EIF4G3: variants seen among roughly 807,000 people sequenced by gnomAD.
The protein encoded by EIF4G3 is eukaryotic translation initiation factor 4 gamma 3, also known as eIF-4-gamma 3.
In EIF4G3, 34 loss-of-function variants were observed where a neutral mutation model predicts 186.4. The observed-to-expected ratio is 0.18, with a 90% confidence interval of 0.14 to 0.24. The LOEUF is 0.24. Ranked by LOEUF, EIF4G3 falls within the 10% of genes least tolerant of loss-of-function variation. The pLI, the probability that EIF4G3 is intolerant of heterozygous loss-of-function variation, is 1.00. For synonymous variants in EIF4G3, 673 were observed against 679.5 expected (o/e 0.99, Z 0.15); for missense variants, 1,536 against 1,948.5 (o/e 0.79, Z 3.99).
chr1:20,813,262 C>T, intron 34 of EIF4G3, 23 bp from the exon 35 acceptor site: 1 of 1,581,126 alleles, frequency 6.3e-7, no homozygotes, highest in South Asian at 1.1e-5. Flanking sequence ...AGAAATAAAA[C>T]AATTAAAGAT....
chr1:21,162,557 C>T (rs1378395451), intron 2 of EIF4G3, among the ~76,000 whole-genome samples: 2 of 151,788 alleles, frequency 1.3e-5, no homozygotes, highest in Non-Finnish European at 2.9e-5. Flanking sequence ...GCCTGGCCAA[C>T]ATGCCGAAAC....
Position 20,829,265 on chromosome 1 carries a change from C to G in EIF4G3, c.4069G>C (p.Glu1357Gln). 2 of 1,612,630 alleles carry G rather than the reference C, an allele frequency of 1.2e-6. No homozygotes were observed. Among genetic ancestry groups the G allele is most frequent in the Non-Finnish European group, 1.7e-6 (2 of 1,179,588 alleles). Residue 1357 changes from glutamate (E) to glutamine (Q), a missense_variant, in exon 31 of 37, where the codon GAA becomes CAA. Physicochemically the swap from Glu to Gln is conservative, Grantham distance 29. This residue lies in a region of EIF4G3 where 395 missense variants were observed against 498.9 expected (regional missense o/e 0.79). Transcript: ENST00000602326. The stretch of plus-strand genomic sequence containing the variant: ...ATGTCATCTGCCAATTCCAAAGTTT[C>G]TGAAAAACTGAAAAGGAACAGGGGG... ...SKQDFFKGFS[E>Q]TLELADDMAI...
intron 3 of EIF4G3, among the ~76,000 whole-genome samples, chr1:21,062,711 T>C (rs2094987164): frequency 6.6e-6 from 1 of 152,210 alleles, no homozygotes; most frequent in Non-Finnish European, 1.5e-5. Context: ...TGCCTCAGCC[T>C]CCCAAGTAGC....
Position 20,857,454 on chromosome 1 carries a change from C to A in EIF4G3, c.3288G>T (p.Gly1096=), listed in dbSNP as rs747493810. 6.2e-7 allele frequency: 1 copy of A among 1,613,996 alleles called. No individual in the cohort carries two copies. Among genetic ancestry groups the A allele is most frequent in the South Asian group, 1.1e-5 (1 of 91,080 alleles). Residue 1096 remains glycine, a synonymous_variant, in exon 25 of 37, where the codon GGG becomes GGT. Transcript: ENST00000602326. ...VDEGGWNTVQ[G]AKNSRVLDPS... ...GGTCCAGTACCCGACTGTTCTTGGC[C>A]CCTTGTACAGTGTTCCACCCACCTT...
chr1:20,849,545 C>A lies in EIF4G3; in HGVS notation c.3773-15G>T. The A allele has an allele frequency of 2.2e-6, 3 of 1,359,620 alleles. No individual in the cohort carries two copies. The highest frequency in any genetic ancestry group is 3.0e-5 in the South Asian group (2 of 67,576). 84.2% of individuals were successfully genotyped at this position (1,359,620 alleles called of 1,614,324 possible). Reference sequence around the variant, plus strand: ...TTCTGGTTTTGCTATTAGTGAGGCCCCCCAAAAAAAGTAAAAATAATAAAA... The same window carrying A: ...TTCTGGTTTTGCTATTAGTGAGGCCACCCAAAAAAAGTAAAAATAATAAAA... On this transcript the variant is annotated splice_polypyrimidine_tract_variant and intron_variant, in intron 28 of 36. Coordinates refer to ENST00000602326, the MANE Select transcript of EIF4G3 (RefSeq NM_001391906.1).
chr1:20,932,881 A>G (rs201331269), intron 14 of EIF4G3, among the ~76,000 whole-genome samples: 1 of 152,134 alleles, frequency 6.6e-6, no homozygotes, highest in East Asian at 1.9e-4. Flanking sequence ...CTCAACACAG[A>G]GTTACCACAA....
At position 21,067,836 on chromosome 1, in the gene EIF4G3, T is replaced by C. The variant is rs575916886; in HGVS notation, c.-195-16842A>G. The stretch of plus-strand genomic sequence containing the variant: ...TATTGAACTCTCTTAAAACTGCAGT[T>C]AAAAAATAAAAAAAGAGGCCAGGCA... On this transcript the variant is annotated intron_variant, in intron 3 of 36. Transcript: ENST00000602326. Among the ~76,000 whole-genome samples, 26 of 151,358 alleles carry C rather than the reference T, an allele frequency of 1.7e-4. No homozygotes were observed. In the South Asian group the frequency reaches 5.2e-3, roughly 30 times the overall value.
intron 7 of EIF4G3, among the ~76,000 whole-genome samples, chr1:20,983,286 C>G (rs933718926): frequency 1.3e-5 from 2 of 152,034 alleles, no homozygotes; most frequent in Non-Finnish European, 2.9e-5. Flanking sequence ...GGGCAGGCCA[C>G]AGAGAGTAGG....
At chr1:21,088,525 T>C (rs532336969) in intron 3 of EIF4G3, among the ~76,000 whole-genome samples, 135 of 151,912 alleles carry the variant, frequency 8.9e-4, no homozygotes, top group African/African-American at 2.9e-3. Context: ...GTTTAGAAAA[T>C]GTAAAACTGA....
rs564333823 is a variant in EIF4G3, at chr1:20,906,817, C to A, written c.1664-1846G>T. On this transcript the variant is annotated intron_variant, in intron 14 of 36. Coordinates refer to ENST00000602326, the MANE Select transcript of EIF4G3 (RefSeq NM_001391906.1). The stretch of plus-strand genomic sequence containing the variant: ...GTCCTTAAAAAAAACTGGATACACA[C>A]ACACACACACACACAAACACACACA... Among the ~76,000 whole-genome samples, 84 of 151,638 alleles carry A rather than the reference C, an allele frequency of 5.5e-4. 1 individual carries two copies. The highest frequency in any genetic ancestry group is 2.0e-3 in the African/African-American group (84 of 41,356).
intron 2 of EIF4G3, among the ~76,000 whole-genome samples, chr1:21,157,421 G>C (rs1158930388): frequency 6.6e-6 from 1 of 151,748 alleles, no homozygotes; most frequent in Non-Finnish European, 1.5e-5. Context: ...ACCCAGGCTG[G>C]AGTGCAGTGG....
Position 21,176,316 on chromosome 1 carries a change from G to T in EIF4G3, c.-413C>A. On this transcript the variant is annotated 5_prime_UTR_variant, in exon 2 of 37. Coordinates refer to ENST00000602326, the MANE Select transcript of EIF4G3 (RefSeq NM_001391906.1). The stretch of plus-strand genomic sequence containing the variant: ...CGGTACCGCTGCTGCCGCCGCCGCC[G>T]CCGCTCCGGTGCCGGGTCCGGTTCC... The T allele has an allele frequency of 3.7e-6, 1 of 267,270 alleles. No individual in the cohort carries two copies. The highest frequency in any genetic ancestry group is 6.8e-6 in the Non-Finnish European group (1 of 147,648). The allele number at this position is 267,270 out of a possible 1,614,324, so 16.6% of individuals were successfully genotyped here.
intron 2 of EIF4G3, among the ~76,000 whole-genome samples, chr1:21,140,835 A>T (rs1410759818): frequency 1.3e-5 from 2 of 152,210 alleles, no homozygotes; most frequent in African/African-American, 4.8e-5. Flanking sequence ...TTCTTCACTG[A>T]AGGAACTAAG....
Position 20,855,767 on chromosome 1 carries a change from C to T in EIF4G3, c.3340-696G>A, listed in dbSNP as rs190528040. Among the ~76,000 whole-genome samples, 291 of 152,282 alleles carry T rather than the reference C, an allele frequency of 1.9e-3. 1 individual carries two copies. The highest frequency in any genetic ancestry group is 6.4e-3 in the African/African-American group (268 of 41,572). On this transcript the variant is annotated intron_variant, in intron 25 of 36. Coordinates refer to ENST00000602326, the MANE Select transcript of EIF4G3 (RefSeq NM_001391906.1). Reference sequence around the variant, plus strand: ...ATATGTTGCTATGCTATGTAATATGCTTTCACACAAACCACTCCCAATTAA... The same window carrying T: ...ATATGTTGCTATGCTATGTAATATGTTTTCACACAAACCACTCCCAATTAA...
chr1:20,997,589 AGGGTACAGTACCTGATGAT>A lies in EIF4G3; in HGVS notation c.170_177+11del. On this transcript the variant is annotated splice_donor_variant and splice_donor_5th_base_variant and coding_sequence_variant and intron_variant, in exon 7 of 37. Transcript: ENST00000602326. LOFTEE classifies it high-confidence loss of function. ...AGTTAAGGGTGATAGTGAAGGGGCAAGGGTACAGTACCTGATGATGGGGAGGTCGAGGCCCCGCTGCAAA... is the reference window on the plus strand; with the variant it reads ...AGTTAAGGGTGATAGTGAAGGGGCAAGGGGAGGTCGAGGCCCCGCTGCAAA... 6.5e-7 allele frequency: 1 copy of A among 1,550,298 alleles called. No homozygotes were observed. The highest frequency in any genetic ancestry group is 8.7e-7 in the Non-Finnish European group (1 of 1,146,716).
chr1:21,144,089 C>T (rs1317889267), intron 2 of EIF4G3, among the ~76,000 whole-genome samples: 1 of 151,934 alleles, frequency 6.6e-6, no homozygotes, highest in Non-Finnish European at 1.5e-5. Context: ...GTTTTTTGCC[C>T]CCTTGGCTTC....
intron 2 of EIF4G3, among the ~76,000 whole-genome samples, chr1:21,146,171 T>C (rs995268441): frequency 6.6e-5 from 10 of 152,116 alleles, no homozygotes; most frequent in African/African-American, 2.2e-4. Flanking sequence ...CTGAGCAACA[T>C]AGTGAGACCC....
intron 7 of EIF4G3, among the ~76,000 whole-genome samples, chr1:20,984,551 T>C (rs113034100): frequency 5.2e-5 from 5 of 96,260 alleles, no homozygotes; most frequent in African/African-American, 1.4e-4. Flanking sequence ...GCATTATATA[T>C]ATATATATAC....
At chr1:21,122,968 T>C (rs2096953673) in intron 2 of EIF4G3, among the ~76,000 whole-genome samples, 1 of 152,180 alleles carries the variant, frequency 6.6e-6, no homozygotes, top group South Asian at 2.1e-4. Context: ...AACATGAATG[T>C]AAGGTTAATA....
Sources: gnomAD v4.1 joint callset for allele counts (sites outside exome capture counted in the v4.1 genomes callset) on GRCh38, gnomAD v4.1.1 for gene constraint, gnomAD v4.1.1 regional missense constraint, MANE v1.5 for transcripts, NCBI Gene and HGNC (gene_info 2026-07-23, HGNC 2026-07-21) for gene names.